TMEFF1: variants seen among roughly 807,000 people sequenced by gnomAD.
TMEFF1 encodes transmembrane protein with EGF like and two follistatin like domains 1.
In TMEFF1, 20 loss-of-function variants were observed where a neutral mutation model predicts 47.5. That is an observed-to-expected ratio of 0.42 (90% confidence interval 0.30 to 0.61). The LOEUF (loss-of-function observed/expected upper bound fraction) is 0.61. Ranked by LOEUF, TMEFF1 falls within the 20% of genes least tolerant of loss-of-function variation. The pLI is 0.19. For synonymous variants in TMEFF1, 162 were observed against 166.3 expected (o/e 0.97, Z 0.20); for missense variants, 411 against 471.1 (o/e 0.87, Z 1.18).
At chr9:100,506,503 C>T (rs1419514659) in intron 2 of TMEFF1, among the ~76,000 whole-genome samples, 2 of 152,030 alleles carry the variant, frequency 1.3e-5, no homozygotes, top group Non-Finnish European at 2.9e-5. Flanking sequence ...CAGTGGCTTA[C>T]GCCTGTAATC....
At position 100,487,222 on chromosome 9, in the gene TMEFF1, A is replaced by C. The variant is rs115533946; in HGVS notation, c.197-11543A>C. Among the ~76,000 whole-genome samples, 892 of 152,064 alleles carry C rather than the reference A, an allele frequency of 5.9e-3. 8 individuals are homozygous for C. The highest frequency in any genetic ancestry group is 0.02 in the African/African-American group (832 of 41,482). ...TCTGTCAGCCAGGTTGGAGTACAGT[A>C]TCACTATCTTGGCTCACTGCAACCT... On this transcript the variant is annotated intron_variant, in intron 1 of 9. Coordinates refer to ENST00000374879, the MANE Select transcript of TMEFF1 (RefSeq NM_003692.5).
At chr9:100,565,302 C>T (rs561773491) in intron 8 of TMEFF1, among the ~76,000 whole-genome samples, 36 of 152,282 alleles carry the variant, frequency 2.4e-4, no homozygotes, top group East Asian at 1.9e-3. Context: ...CTCTTCCCCT[C>T]GTTAGTGTAA....
chr9:100,485,697 TCTTAA>T (rs10584000), intron 1 of TMEFF1, among the ~76,000 whole-genome samples: 17,929 of 152,152 alleles, frequency 0.12, 1,168 homozygotes, highest in Middle Eastern at 0.19. Context: ...AGAAACATTG[TCTTAA>T]CTTAACTATT....
chr9:100,494,215 A>G (rs1837611815), intron 1 of TMEFF1, among the ~76,000 whole-genome samples: 1 of 151,298 alleles, frequency 6.6e-6, no homozygotes, highest in Admixed American at 6.6e-5. Flanking sequence ...TCAAAAAAAA[A>G]AAAAAAAAAA....
chr9:100,494,229 A>AAG, intron 1 of TMEFF1, among the ~76,000 whole-genome samples: 1 of 151,068 alleles, frequency 6.6e-6, no homozygotes, highest in Non-Finnish European at 1.5e-5. Context: ...AAAAAAAAAA[A>AAG]AGTAAGGTGT....
intron 5 of TMEFF1, among the ~76,000 whole-genome samples, chr9:100,522,747 C>A (rs1838187548): frequency 6.8e-6 from 1 of 147,790 alleles, no homozygotes; most frequent in African/African-American, 2.5e-5. Flanking sequence ...CCAGAAATAT[C>A]TTTTTGAGAC....
At chr9:100,564,799 G>A (rs969926151) in intron 8 of TMEFF1, among the ~76,000 whole-genome samples, 6 of 152,210 alleles carry the variant, frequency 3.9e-5, no homozygotes, top group African/African-American at 1.4e-4. Context: ...GACTTAGTAA[G>A]AAGTAAGGGC....
At chr9:100,494,129 C>T (rs969372665) in intron 1 of TMEFF1, among the ~76,000 whole-genome samples, 1 of 151,392 alleles carries the variant, frequency 6.6e-6, no homozygotes, top group Admixed American at 6.6e-5. Flanking sequence ...ATCGCTTGAG[C>T]CCAGGAGGCA....
chr9:100,501,864 C>T (rs1480452190), intron 2 of TMEFF1, among the ~76,000 whole-genome samples: 2 of 152,096 alleles, frequency 1.3e-5, no homozygotes, highest in African/African-American at 2.4e-5. Flanking sequence ...AGGATGGTCT[C>T]GAACTCTTGA....
At chr9:100,495,345 A>G (rs574035212) in intron 1 of TMEFF1, among the ~76,000 whole-genome samples, 2 of 152,264 alleles carry the variant, frequency 1.3e-5, no homozygotes, top group South Asian at 4.2e-4. Flanking sequence ...TATTAGCTTT[A>G]TTATGATAAA....
chr9:100,479,207 GTAATC>G (rs565261262), intron 1 of TMEFF1, among the ~76,000 whole-genome samples: 117 of 152,242 alleles, frequency 7.7e-4, no homozygotes, highest in African/African-American at 2.6e-3. Flanking sequence ...ACTGCGTAGT[GTAATC>G]TAATATACTG....
intron 2 of TMEFF1, among the ~76,000 whole-genome samples, chr9:100,499,696 A>T (rs1322626957): frequency 1.3e-5 from 2 of 152,194 alleles, no homozygotes; most frequent in East Asian, 3.9e-4. Flanking sequence ...GAGCTCAGGT[A>T]ATTTTCTTGG....
chr9:100,573,754 G>C (rs1170404665), intron 9 of TMEFF1, among the ~76,000 whole-genome samples: 2 of 152,176 alleles, frequency 1.3e-5, no homozygotes, highest in East Asian at 3.8e-4. Context: ...ATCTAGAAAT[G>C]ATAAAAAAGA....
chr9:100,513,217 C>T (rs1299008012), intron 3 of TMEFF1, 90 bp from the exon 4 acceptor site: 1 of 1,531,582 alleles, frequency 6.5e-7, no homozygotes, highest in East Asian at 2.3e-5. Flanking sequence ...ATGGATATCA[C>T]AGTTTTATTT....
chr9:100,497,034 T>C (rs182345960), intron 1 of TMEFF1, among the ~76,000 whole-genome samples: 6 of 152,296 alleles, frequency 3.9e-5, no homozygotes, highest in Non-Finnish European at 7.4e-5. Flanking sequence ...GTGTCTTTGA[T>C]AGTAATTGGA....
chr9:100,511,369 T>C (rs1302024921), intron 3 of TMEFF1, among the ~76,000 whole-genome samples: 2 of 152,176 alleles, frequency 1.3e-5, no homozygotes, highest in Non-Finnish European at 2.9e-5. Context: ...TTAACCTAAC[T>C]CCAACCCTTA....
chr9:100,533,075 C>T (rs1275494561), intron 5 of TMEFF1, among the ~76,000 whole-genome samples: 7 of 118,666 alleles, frequency 5.9e-5, no homozygotes, highest in Non-Finnish European at 9.6e-5. Flanking sequence ...ATATCACACT[C>T]TGGGGACTAT....
At chr9:100,505,901 T>C (rs559883472) in intron 2 of TMEFF1, among the ~76,000 whole-genome samples, 6 of 152,348 alleles carry the variant, frequency 3.9e-5, no homozygotes, top group African/African-American at 1.2e-4. Flanking sequence ...TAATTGAGTA[T>C]TGTATAATTA....
intron 7 of TMEFF1, 104 bp downstream of exon 7, chr9:100,550,264 C>G (rs1202319498): frequency 1.7e-6 from 2 of 1,148,328 alleles, no homozygotes; most frequent in Admixed American, 5.2e-5. Context: ...TAACTTTGCT[C>G]TCTATAGTAA....
Sources: allele counts gnomAD v4.1 joint callset (sites outside exome capture counted in the v4.1 genomes callset), GRCh38; gene constraint gnomAD v4.1.1; transcripts MANE v1.5; gene names NCBI Gene and HGNC (gene_info 2026-07-23, HGNC 2026-07-21).